Variants in CFAP36 observed in about 807,000 individuals in gnomAD.
The protein encoded by CFAP36 is cilia and flagella associated protein 36.
CFAP36 carries 37 observed loss-of-function variants against 50.5 expected under a neutral mutation model. The observed-to-expected ratio is 0.73, with a 90% confidence interval of 0.56 to 0.96. The LOEUF (loss-of-function observed/expected upper bound fraction) is 0.96, where lower values mean the gene tolerates loss of function less well. CFAP36 is among the 50% of genes least tolerant of loss of function. The pLI, the probability that CFAP36 is intolerant of heterozygous loss-of-function variation, is 0.00. For synonymous variants in CFAP36, 138 were observed against 128.2 expected, an observed-to-expected ratio of 1.08 and a Z score of -0.52; for missense variants, 407 against 396.2, an observed-to-expected ratio of 1.03 and a Z score of -0.23.
At chr2:55,543,874 T>C in intron 7 of CFAP36, 64 bp from the exon 8 acceptor site, 1 of 1,471,174 alleles carries the variant, frequency 6.8e-7, no homozygotes, top group Non-Finnish European at 9.4e-7. Context: ...TCGGTAAACC[T>C]AGCCTAACAC....
rs1429872888 is a variant in CFAP36 at position 55,523,909 on chromosome 2, C to A, written c.282+87C>A. ...CACTTAAATTTGAATGTTTGATTGA[C>A]AAAGTGTAATATTTTAGACATTGTG... On this transcript the variant is annotated intron_variant, in intron 3 of 9. Coordinates refer to ENST00000349456, the MANE Select transcript of CFAP36 (RefSeq NM_080667.7). 9 of 813,998 alleles carry A rather than the reference C, an allele frequency of 1.1e-5. No homozygotes were observed. The African/African-American group carries it at 1.4e-4, about 12-fold the overall frequency. The allele number at this position is 813,998 out of a possible 1,614,324, so 50.4% of individuals were successfully genotyped here.
At chr2:55,528,335 CT>C (rs1287604458) in intron 3 of CFAP36, among the ~76,000 whole-genome samples, 5 of 150,432 alleles carry the variant, frequency 3.3e-5, no homozygotes, top group Non-Finnish European at 5.9e-5. Flanking sequence ...CTCCAGCTTT[CT>C]TTTTTTTTAA....
At chr2:55,521,787 G>A (rs1053257420) in intron 1 of CFAP36, among the ~76,000 whole-genome samples, 11 of 151,698 alleles carry the variant, frequency 7.3e-5, no homozygotes, top group African/African-American at 2.2e-4. Context: ...GCACAACCAC[G>A]CCTGGCTGAT....
chr2:55,530,032 T>C (rs1191365925), intron 4 of CFAP36, among the ~76,000 whole-genome samples: 1 of 152,156 alleles, frequency 6.6e-6, no homozygotes. Context: ...ATAATTTGCA[T>C]TTTTAACAAT....
chr2:55,521,357 C>T (rs920391566), intron 1 of CFAP36, among the ~76,000 whole-genome samples: 1 of 151,826 alleles, frequency 6.6e-6, no homozygotes, highest in Admixed American at 6.6e-5. Context: ...TCTGTGGTAA[C>T]AAAAATTGCC....
At chr2:55,532,326 T>G (rs1228840686) in intron 4 of CFAP36, among the ~76,000 whole-genome samples, 1 of 152,220 alleles carries the variant, frequency 6.6e-6, no homozygotes, top group Non-Finnish European at 1.5e-5. Flanking sequence ...TAGTTCTTAA[T>G]GATGAGAAAA....
intron 6 of CFAP36, chr2:55,535,971 C>A: frequency 1.0e-6 from 1 of 967,444 alleles, no homozygotes; most frequent in Non-Finnish European, 1.4e-6. Context: ...ACTATATATA[C>A]TTAACTGTAT....
At chr2:55,525,632 C>T (rs1481994451) in intron 3 of CFAP36, among the ~76,000 whole-genome samples, 3 of 149,930 alleles carry the variant, frequency 2.0e-5, no homozygotes, top group Non-Finnish European at 3.0e-5. Flanking sequence ...AACTTGCTCT[C>T]TTTTTTTTTT....
In CFAP36 at chr2:55,544,046, A is replaced by C. The variant is rs1213860952; in HGVS notation, c.749A>C (p.Glu250Ala). The C allele has an allele frequency of 1.9e-6, 3 of 1,613,912 alleles. No homozygotes were observed. The African/African-American group carries it at 4.0e-5, about 22-fold the overall frequency. ...PQKDLKIPGL[E>A]HASIEGPIAN... is the part of the protein sequence containing the mutation. ...AAAGACCTGAAGATTCCTGGCTTAG[A>C]GCATGCGAGCATTGAAGGACCAATA... Residue 250 changes from glutamate to alanine, a missense_variant, in exon 8 of 10, where the codon GAG becomes GCG. Glu to Ala is a moderately radical substitution (Grantham distance 107, BLOSUM62 -1). Transcript: ENST00000349456.
intron 7 of CFAP36, among the ~76,000 whole-genome samples, chr2:55,540,641 T>G (rs904934477): frequency 1.3e-5 from 2 of 152,170 alleles, no homozygotes; most frequent in Non-Finnish European, 2.9e-5. Flanking sequence ...TTGCTGAAAT[T>G]TTGATTGATA....
At chr2:55,536,044 C>G in intron 6 of CFAP36, 2 of 465,254 alleles carry the variant, frequency 4.3e-6, no homozygotes, top group Non-Finnish European at 6.7e-6. Context: ...CAAGAGTAGT[C>G]ATTTTTTTTG....
intron 7 of CFAP36, chr2:55,539,552 T>C (rs1290822793): frequency 6.6e-6 from 1 of 152,256 alleles, no homozygotes; most frequent in East Asian, 1.9e-4. Flanking sequence ...CTTCCAAGTT[T>C]TGACAATTAT....
intron 5 of CFAP36, among the ~76,000 whole-genome samples, chr2:55,535,455 C>G (rs1684455998): frequency 6.6e-6 from 1 of 152,286 alleles, no homozygotes; most frequent in Admixed American, 6.5e-5. Context: ...GATCTTTATT[C>G]AGCTAGGGTT....
chr2:55,520,341 C>T (rs1684028889), intron 1 of CFAP36: 2 of 1,387,674 alleles, frequency 1.4e-6, no homozygotes, highest in Admixed American at 2.6e-5. Context: ...CCTTATGATC[C>T]CTAGCATTTC....
chr2:55,543,795 TATAGGCACTGA>T (rs1256767095), intron 7 of CFAP36, 132 bp from the exon 8 acceptor site: 1 of 797,966 alleles, frequency 1.3e-6, no homozygotes, highest in African/African-American at 1.7e-5. Flanking sequence ...GCTGGCACAG[TATAGGCACTGA>T]ATATATGTTG....
rs1431064326 is a variant in CFAP36, at chr2:55,519,793, T to C, written c.-9T>C. The stretch of plus-strand genomic sequence containing the variant: ...CTAGGGATCTTCCCCGTTGCCCCTT[T>C]GGGGCGGGATGGCTGCGGAAGAAGA... On this transcript the variant is annotated 5_prime_UTR_variant, in exon 1 of 10. Transcript: ENST00000349456. 6.2e-6 allele frequency: 10 copies of C among 1,613,862 alleles called. No homozygotes were observed. The highest frequency in any genetic ancestry group is 8.5e-6 in the Non-Finnish European group (10 of 1,179,836).
chr2:55,529,593 G>C (rs1408141913), intron 4 of CFAP36, among the ~76,000 whole-genome samples: 4 of 151,166 alleles, frequency 2.6e-5, no homozygotes, highest in Non-Finnish European at 5.9e-5. Flanking sequence ...GTTGAGAGGT[G>C]TCCATCCTTT....
chr2:55,520,762 A>G (rs1183835478), intron 1 of CFAP36, among the ~76,000 whole-genome samples: 1 of 152,200 alleles, frequency 6.6e-6, no homozygotes, highest in Non-Finnish European at 1.5e-5. Flanking sequence ...GTATTCATCA[A>G]TTATTTGAAC....
chr2:55,544,541 AG>A (rs1257346499), intron 9 of CFAP36, among the ~76,000 whole-genome samples, 172 bp downstream of exon 9: 4 of 152,216 alleles, frequency 2.6e-5, no homozygotes, highest in Non-Finnish European at 4.4e-5. Context: ...TGTTGTGATA[AG>A]GATTTTTTGA....
Sources: allele counts gnomAD v4.1 joint callset (sites outside exome capture counted in the v4.1 genomes callset), GRCh38; gene constraint gnomAD v4.1.1; transcripts MANE v1.5; gene names NCBI Gene and HGNC (gene_info 2026-07-23, HGNC 2026-07-21).